The following GALNT10 variants were observed in gnomAD, a reference collection of about 807,000 sequenced individuals.
GALNT10 encodes the protein polypeptide N-acetylgalactosaminyltransferase 10.
Under a neutral mutation model 75.0 loss-of-function variants are expected in GALNT10, and 41 were observed. That is an observed-to-expected ratio of 0.55 (90% CI 0.43 to 0.71). The LOEUF (loss-of-function observed/expected upper bound fraction) is 0.71. GALNT10 is among the 30% of genes least tolerant of loss of function. The pLI, the probability that GALNT10 is intolerant of heterozygous loss-of-function variation, is 0.00. For synonymous variants in GALNT10, 302 were observed against 313.0 expected (o/e 0.96, Z 0.37); for missense variants, 727 against 818.5 (o/e 0.89, Z 1.36).
intron 1 of GALNT10, among the ~76,000 whole-genome samples, chr5:154,255,483 T>C (rs1353678562): frequency 6.6e-6 from 1 of 152,128 alleles, no homozygotes; most frequent in Admixed American, 6.5e-5. Context: ...GAACTTTTTA[T>C]AGGTTAAAAA....
At chr5:154,324,392 G>A (rs1455373784) in intron 3 of GALNT10, among the ~76,000 whole-genome samples, 1 of 152,210 alleles carries the variant, frequency 6.6e-6, no homozygotes, top group Non-Finnish European at 1.5e-5. Flanking sequence ...GGACCACTTA[G>A]AAAGGCCTTC....
chr5:154,380,438 G>C lies in GALNT10; in HGVS notation c.755-10G>C, dbSNP rs1755715290. ...TGCTTCATCTGATAGGCATCTCTTG[G>C]CTTCTTCAGACCGCATTGCTCGGAA... On this transcript the variant is annotated splice_polypyrimidine_tract_variant and intron_variant, in intron 5 of 11. Transcript: ENST00000297107. The C allele has an allele frequency of 6.2e-7, 1 of 1,608,834 alleles. No homozygotes were observed. Among genetic ancestry groups the C allele is most frequent in the Non-Finnish European group, 8.5e-7 (1 of 1,176,080 alleles).
chr5:154,411,834 A>G (rs1214004982), intron 9 of GALNT10, among the ~76,000 whole-genome samples: 1 of 152,210 alleles, frequency 6.6e-6, no homozygotes, highest in African/African-American at 2.4e-5. Context: ...TGAGAGGAAA[A>G]ATGAAGACAC....
At chr5:154,343,295 A>G (rs1421344395) in intron 4 of GALNT10, among the ~76,000 whole-genome samples, 2 of 152,228 alleles carry the variant, frequency 1.3e-5, no homozygotes, top group Non-Finnish European at 2.9e-5. Flanking sequence ...TGATGAGAAC[A>G]GTCCCCTCAT....
intron 7 of GALNT10, among the ~76,000 whole-genome samples, chr5:154,396,358 A>T (rs1038674371): frequency 6.6e-6 from 1 of 152,214 alleles, no homozygotes; most frequent in Admixed American, 6.5e-5. Context: ...TCCAGCGGGT[A>T]TGGAGAGGGT....
intron 1 of GALNT10, among the ~76,000 whole-genome samples, chr5:154,216,491 A>T (rs1338342425): frequency 6.6e-6 from 1 of 152,226 alleles, no homozygotes; most frequent in Non-Finnish European, 1.5e-5. Context: ...TTTGAGGCAG[A>T]TGTAAGCTGC....
intron 1 of GALNT10, among the ~76,000 whole-genome samples, chr5:154,278,338 G>A (rs1032918346): frequency 6.6e-6 from 1 of 152,194 alleles, no homozygotes; most frequent in African/African-American, 2.4e-5. Flanking sequence ...GGGGGTAGAT[G>A]AGTGGTTGTT....
chr5:154,218,689 TTCTGAG>T (rs765940000), intron 1 of GALNT10, among the ~76,000 whole-genome samples: 4 of 152,190 alleles, frequency 2.6e-5, no homozygotes, highest in Non-Finnish European at 5.9e-5. Flanking sequence ...CCATTTTCCT[TTCTGAG>T]TCTGAGAAGC....
intron 3 of GALNT10, among the ~76,000 whole-genome samples, chr5:154,313,035 G>A (rs1191570893): frequency 2.0e-5 from 3 of 152,188 alleles, no homozygotes; most frequent in African/African-American, 7.2e-5. Context: ...TAGGCTGGGT[G>A]CGGTGGCTCA....
chr5:154,324,005 T>C (rs914550168), intron 3 of GALNT10, among the ~76,000 whole-genome samples: 2 of 152,120 alleles, frequency 1.3e-5, no homozygotes, highest in Non-Finnish European at 2.9e-5. Context: ...TGGTGAAAAT[T>C]TGGATGTGAA....
At chr5:154,344,614 C>T (rs764391623) in intron 4 of GALNT10, among the ~76,000 whole-genome samples, 6 of 152,186 alleles carry the variant, frequency 3.9e-5, no homozygotes, top group African/African-American at 7.2e-5. Flanking sequence ...TACACTCCTA[C>T]GGATCCTATC....
At chr5:154,331,195 T>G (rs1754858514) in intron 4 of GALNT10, among the ~76,000 whole-genome samples, 1 of 152,148 alleles carries the variant, frequency 6.6e-6, no homozygotes, top group South Asian at 2.1e-4. Flanking sequence ...AGGCATACAG[T>G]AGGTGCTTAC....
At chr5:154,357,985 C>T (rs1342733639) in intron 4 of GALNT10, among the ~76,000 whole-genome samples, 1 of 152,118 alleles carries the variant, frequency 6.6e-6, no homozygotes, top group African/African-American at 2.4e-5. Flanking sequence ...GGAAAGAAAA[C>T]CCCAGAATGG....
intron 1 of GALNT10, among the ~76,000 whole-genome samples, chr5:154,225,993 G>GA (rs1753058137): frequency 6.6e-6 from 1 of 151,792 alleles, no homozygotes; most frequent in Non-Finnish European, 1.5e-5. Flanking sequence ...TGGGGTAGGG[G>GA]AAGGGGGGAG....
chr5:154,290,975 C>T (rs1303522642), intron 1 of GALNT10, among the ~76,000 whole-genome samples: 1 of 152,138 alleles, frequency 6.6e-6, no homozygotes, highest in Non-Finnish European at 1.5e-5. Context: ...CCAAAGTCCT[C>T]CTGGTTTAGG....
intron 1 of GALNT10, among the ~76,000 whole-genome samples, chr5:154,194,548 G>A (rs1295342063): frequency 6.6e-6 from 1 of 152,154 alleles, no homozygotes; most frequent in Non-Finnish European, 1.5e-5. Context: ...GTCTACCAAG[G>A]AGTCCAGCTG....
chr5:154,398,877 C>T (rs1265571532), intron 7 of GALNT10, among the ~76,000 whole-genome samples: 1 of 152,156 alleles, frequency 6.6e-6, no homozygotes, highest in Non-Finnish European at 1.5e-5. Flanking sequence ...GGAAATCAGG[C>T]CATAGGGTGA....
At chr5:154,250,350 T>G (rs1480943980) in intron 1 of GALNT10, among the ~76,000 whole-genome samples, 1 of 152,224 alleles carries the variant, frequency 6.6e-6, no homozygotes, top group Non-Finnish European at 1.5e-5. Context: ...TCATTTTGGC[T>G]GCTTCAGCTG....
rs562044960 is a variant in GALNT10 at position 154,229,682 on chromosome 5, G to A, written c.159+38657G>A. Among the ~76,000 whole-genome samples the A allele has an allele frequency of 5.7e-4, 86 of 152,102 alleles. No individual in the cohort carries two copies. The South Asian group carries it at 9.8e-3, about 17-fold the overall frequency. ...CAGGAGGCGCACCTTGCGGTGAGCC[G>A]AGAATGCGCCACTGTACTCCAGCCT... On this transcript the variant is annotated intron_variant, in intron 1 of 11. Coordinates refer to ENST00000297107, the MANE Select transcript of GALNT10 (RefSeq NM_198321.4).
Sources: gnomAD v4.1 joint callset for allele counts (sites outside exome capture counted in the v4.1 genomes callset) on GRCh38, gnomAD v4.1.1 for gene constraint, MANE v1.5 for transcripts, NCBI Gene and HGNC (gene_info 2026-07-23, HGNC 2026-07-21) for gene names.